PPP1R9A: variants seen among roughly 807,000 people sequenced by gnomAD.
PPP1R9A encodes the protein neurabin-1.
PPP1R9A carries 59 observed loss-of-function variants against 141.9 expected under a neutral mutation model. The ratio of observed to expected loss-of-function variants is 0.42; its 90% confidence interval spans 0.34 to 0.52. The LOEUF is 0.52. PPP1R9A is among the 20% of genes least tolerant of loss of function. PPP1R9A has a pLI of 0.10. For missense variants in PPP1R9A, 1,444 were observed against 1,611.9 expected (o/e 0.90, Z 1.78); for synonymous variants, 500 against 569.7 (o/e 0.88, Z 1.74).
rs1790085226 is a variant in PPP1R9A, at chr7:95,203,718, C to G, written c.1944C>G (p.Asn648Lys). 3.3e-6 allele frequency: 5 copies of G among 1,535,692 alleles called. No individual in the cohort carries two copies. Among genetic ancestry groups the G allele is most frequent in the Non-Finnish European group, 4.4e-6 (5 of 1,145,888 alleles). ...GMSGNCNNNN[N>K]YFLKTGEYAT... ...CTGGCAACTGCAATAACAATAACAACTATTTTCTTAAGGTTTGTTTTTTGG... is the reference window on the plus strand; with the variant it reads ...CTGGCAACTGCAATAACAATAACAAGTATTTTCTTAAGGTTTGTTTTTTGG... Residue 648 changes from asparagine (N) to lysine (K), a missense_variant, in exon 7 of 20, where the codon AAC (asparagine) becomes AAG (lysine). This residue lies in a region of PPP1R9A where 488 missense variants were observed against 542.0 expected (regional missense o/e 0.90). Coordinates refer to ENST00000433360, the MANE Select transcript of PPP1R9A (RefSeq NM_001166160.2).
At chr7:95,063,965 T>C (rs1328964221) in intron 2 of PPP1R9A, among the ~76,000 whole-genome samples, 3 of 152,220 alleles carry the variant, frequency 2.0e-5, no homozygotes, top group Non-Finnish European at 4.4e-5. Context: ...GCCTTATAAA[T>C]TTACTATAAA....
chr7:95,006,536 A>G (rs1584239049), intron 2 of PPP1R9A, among the ~76,000 whole-genome samples: 1 of 152,056 alleles, frequency 6.6e-6, no homozygotes, highest in South Asian at 2.1e-4. Context: ...GCTTGTTTAT[A>G]TAAGAAGATA....
At position 95,126,856 on chromosome 7, in the gene PPP1R9A, G is replaced by A. The variant is rs553459531; in HGVS notation, c.1649+6024G>A. ...TGTTAGACACCAGAAAATTTTTCCC[G>A]TCACAGTAACCATTTTTGTATTTAA... is the stretch of plus-strand genomic sequence containing the variant. On this transcript the variant is annotated intron_variant, in intron 4 of 19. Coordinates refer to ENST00000433360, the MANE Select transcript of PPP1R9A (RefSeq NM_001166160.2). Among the ~76,000 whole-genome samples the A allele has an allele frequency of 1.1e-4, 17 of 152,196 alleles. No homozygotes were observed. The South Asian group carries it at 2.7e-3, about 24-fold the overall frequency.
At chr7:94,934,737 A>G (rs1794561189) in intron 2 of PPP1R9A, among the ~76,000 whole-genome samples, 1 of 151,996 alleles carries the variant, frequency 6.6e-6, no homozygotes, top group African/African-American at 2.4e-5. Flanking sequence ...ATGTACACAT[A>G]TATACGTCTA....
At chr7:95,146,005 G>A (rs1827544480) in intron 4 of PPP1R9A, among the ~76,000 whole-genome samples, 2 of 152,124 alleles carry the variant, frequency 1.3e-5, no homozygotes, top group African/African-American at 4.8e-5. Context: ...TATCCTTTGG[G>A]TATATACCAA....
chr7:95,059,468 A>G (rs1476227263), intron 2 of PPP1R9A, among the ~76,000 whole-genome samples: 1 of 152,154 alleles, frequency 6.6e-6, no homozygotes, highest in Non-Finnish European at 1.5e-5. Context: ...ACCAAGTAGT[A>G]ATAGGTTGAA....
chr7:95,231,693 T>C (rs1795982304), intron 8 of PPP1R9A, among the ~76,000 whole-genome samples: 1 of 152,054 alleles, frequency 6.6e-6, no homozygotes, highest in Non-Finnish European at 1.5e-5. Flanking sequence ...ATTCGAACTA[T>C]ATGATAATAG....
intron 2 of PPP1R9A, among the ~76,000 whole-genome samples, chr7:95,063,692 A>T (rs1812568683): frequency 6.6e-6 from 1 of 152,230 alleles, no homozygotes; most frequent in Non-Finnish European, 1.5e-5. Flanking sequence ...TTTGGCGTGC[A>T]CTTGTACACT....
intron 2 of PPP1R9A, among the ~76,000 whole-genome samples, chr7:95,108,332 T>TTTTTTTC (rs1554509667): frequency 7.1e-6 from 1 of 139,968 alleles, no homozygotes; most frequent in African/African-American, 2.8e-5. Flanking sequence ...TTTTTTTTTT[T>TTTTTTTC]TGAGACAGTC....
rs184426746 is a variant in PPP1R9A, at chr7:95,023,714, G to A, written c.1396-87545G>A. The stretch of plus-strand genomic sequence containing the variant: ...CTACAGGCACCCATCACCACACCTG[G>A]CTAATTCTTTTGTATTTTTATTAGA... On this transcript the variant is annotated intron_variant, in intron 2 of 19. Coordinates refer to ENST00000433360, the MANE Select transcript of PPP1R9A (RefSeq NM_001166160.2). Among the ~76,000 whole-genome samples the A allele has an allele frequency of 6.6e-4, 101 of 152,172 alleles. 2 individuals are homozygous for A. Among genetic ancestry groups the A allele is most frequent in the South Asian group, 8.3e-4 (4 of 4,816 alleles).
chr7:95,148,688 CAAAA>C (rs80065854), intron 4 of PPP1R9A, among the ~76,000 whole-genome samples: 1 of 69,746 alleles, frequency 1.4e-5, no homozygotes, highest in African/African-American at 3.8e-5. Context: ...TCTAAAAATA[CAAAA>C]AAAAAAAAAA....
intron 2 of PPP1R9A, among the ~76,000 whole-genome samples, chr7:94,938,531 G>A (rs1441787391): frequency 3.3e-5 from 5 of 151,828 alleles, no homozygotes; most frequent in Admixed American, 2.0e-4. Flanking sequence ...TAATTTACCA[G>A]TGTTAATCAT....
At chr7:95,232,846 A>T (rs1036503795) in intron 8 of PPP1R9A, among the ~76,000 whole-genome samples, 1 of 152,146 alleles carries the variant, frequency 6.6e-6, no homozygotes, top group African/African-American at 2.4e-5. Context: ...TTAGAATGAC[A>T]ATCATTAAAA....
At chr7:94,916,907 T>G (rs1792142505) in intron 2 of PPP1R9A, among the ~76,000 whole-genome samples, 1 of 152,092 alleles carries the variant, frequency 6.6e-6, no homozygotes, top group South Asian at 2.1e-4. Context: ...CTCCACCTCC[T>G]GGGTTCAAGA....
At chr7:94,942,505 G>A (rs1795440970) in intron 2 of PPP1R9A, among the ~76,000 whole-genome samples, 1 of 152,044 alleles carries the variant, frequency 6.6e-6, no homozygotes, top group African/African-American at 2.4e-5. Context: ...TATTGTCTAT[G>A]GCTGCTTTCC....
rs552285430 is a variant in PPP1R9A at position 95,215,155 on chromosome 7, G to A, written c.1957-10806G>A. ...CCCACAACAGGCCCCGGTGTGTGAT[G>A]TTCCCCTTCCTGTGTCCAAGTGTTC... On this transcript the variant is annotated intron_variant, in intron 7 of 19. Coordinates refer to ENST00000433360, the MANE Select transcript of PPP1R9A (RefSeq NM_001166160.2). Among the ~76,000 whole-genome samples, 4 of 125,934 alleles carry A rather than the reference G, an allele frequency of 3.2e-5. No individual in the cohort carries two copies. In the South Asian group the frequency reaches 9.9e-4, roughly 31 times the overall value. The allele number at this position is 125,934 out of a possible 152,430, so 82.6% of individuals were successfully genotyped here. A position where few individuals can be genotyped will look rare whatever the true frequency, so the allele number is the denominator to read the frequency against.
At chr7:95,167,122 A>G (rs963576725) in intron 5 of PPP1R9A, among the ~76,000 whole-genome samples, 1 of 152,194 alleles carries the variant, frequency 6.6e-6, no homozygotes, top group Admixed American at 6.5e-5. Context: ...GGGAGGCCTC[A>G]CAATCATGGT....
chr7:95,091,461 A>C (rs2152340486), intron 2 of PPP1R9A, among the ~76,000 whole-genome samples: 1 of 147,210 alleles, frequency 6.8e-6, no homozygotes, highest in East Asian at 2.0e-4. Flanking sequence ...CCTCTGCCTC[A>C]GTCTCCCAAG....
intron 3 of PPP1R9A, among the ~76,000 whole-genome samples, chr7:95,115,916 CAAAA>C (rs746135056): frequency 5.0e-5 from 3 of 60,214 alleles, no homozygotes; most frequent in Admixed American, 1.9e-4. Context: ...GACTCTGTCT[CAAAA>C]AAAAAAAAAA....
Sources: gnomAD v4.1 joint callset for allele counts (sites outside exome capture counted in the v4.1 genomes callset) on GRCh38, gnomAD v4.1.1 for gene constraint, gnomAD v4.1.1 regional missense constraint, MANE v1.5 for transcripts, NCBI Gene and HGNC (gene_info 2026-07-23, HGNC 2026-07-21) for gene names.